The following DLGAP2 variants were observed in gnomAD, a reference collection of about 807,000 sequenced individuals.
The protein encoded by DLGAP2 is DLG associated protein 2.
In DLGAP2, 26 loss-of-function variants were observed where a neutral mutation model predicts 100.3. That is an observed-to-expected ratio of 0.26 (90% confidence interval 0.19 to 0.36). DLGAP2 has a LOEUF of 0.36. Ranked by LOEUF, DLGAP2 falls within the 10% of genes least tolerant of loss-of-function variation. The pLI is 1.00. For missense variants in DLGAP2, 1,858 were observed against 1,453.2 expected (o/e 1.28, Z -4.53); for synonymous variants, 886 against 630.1 (o/e 1.41, Z -6.08).
intron 3 of DLGAP2, among the ~76,000 whole-genome samples, chr8:1,346,807 T>C (rs957705252): frequency 3.3e-5 from 5 of 151,460 alleles, no homozygotes; most frequent in African/African-American, 1.2e-4. Flanking sequence ...GGTAGATGTG[T>C]GGAGGTTGCG....
At chr8:746,114 G>T (rs7007719) in intron 1 of DLGAP2, among the ~76,000 whole-genome samples, 2 of 152,098 alleles carry the variant, frequency 1.3e-5, no homozygotes, top group Non-Finnish European at 2.9e-5. Flanking sequence ...CCGGGGGTGC[G>T]TCGCTGCTTT....
rs138337014 is a variant in DLGAP2, at chr8:1,333,874, G to C, written c.106+74991G>C. 5.4e-3 allele frequency among the ~76,000 whole-genome samples: 829 copies of C among 152,358 alleles called. 5 individuals are homozygous for C. Among genetic ancestry groups the C allele is most frequent in the African/African-American group, 0.019 (790 of 41,590 alleles). On this transcript the variant is annotated intron_variant, in intron 3 of 14. Transcript: ENST00000637795. ...CAGATCTAGCAGAGCAGGGGGAACA[G>C]AAAGTCAGATCCCAGGTGCATCCTT...
rs549201179 is a variant in DLGAP2, at chr8:1,191,214, C to G, written c.74-67637C>G. Reference sequence around the variant, plus strand: ...TGAGACGGAATCTCACTCTGTCACCCAGGCTGGAGTACAGTGGCGCGATCT... The same window carrying G: ...TGAGACGGAATCTCACTCTGTCACCGAGGCTGGAGTACAGTGGCGCGATCT... On this transcript the variant is annotated intron_variant, in intron 2 of 14. Coordinates refer to ENST00000637795, the MANE Select transcript of DLGAP2 (RefSeq NM_001346810.2). 3.5e-5 allele frequency among the ~76,000 whole-genome samples: 5 copies of G among 143,998 alleles called. No individual in the cohort carries two copies. In the South Asian group the frequency reaches 9.3e-4, roughly 27 times the overall value. The allele number at this position is 143,998 out of a possible 152,430, so 94.5% of individuals were successfully genotyped here.
intron 2 of DLGAP2, among the ~76,000 whole-genome samples, chr8:930,708 G>A (rs192857154): frequency 6.6e-6 from 1 of 152,160 alleles, no homozygotes. Context: ...GAGCCTCATG[G>A]AGACCCCACA....
At chr8:1,481,804 T>A (rs1302204892) in intron 3 of DLGAP2, among the ~76,000 whole-genome samples, 1 of 152,126 alleles carries the variant, frequency 6.6e-6, no homozygotes, top group African/African-American at 2.4e-5. Flanking sequence ...GACATGAGAC[T>A]CCCAGAAGGG....
chr8:897,843 G>A (rs1033501597), intron 1 of DLGAP2, among the ~76,000 whole-genome samples: 1 of 152,150 alleles, frequency 6.6e-6, no homozygotes, highest in Non-Finnish European at 1.5e-5. Context: ...TGCGGGGTTG[G>A]CTCCTTCCCC....
intron 2 of DLGAP2, among the ~76,000 whole-genome samples, chr8:1,109,936 G>A (rs555950026): frequency 2.4e-5 from 1 of 41,372 alleles, no homozygotes; most frequent in Non-Finnish European, 5.0e-5. Flanking sequence ...TCTGTGAGGT[G>A]TGCATAGGTC....
At chr8:1,682,162 C>T (rs1370003796) in intron 12 of DLGAP2, among the ~76,000 whole-genome samples, 1 of 152,218 alleles carries the variant, frequency 6.6e-6, no homozygotes, top group African/African-American at 2.4e-5. Flanking sequence ...TCTGGTCCTC[C>T]ACGACTGTGA....
rs1563231253 is a variant in DLGAP2 at position 1,575,490 on chromosome 8, T to TA, written c.1442+9596_1442+9597insA. The stretch of plus-strand genomic sequence containing the variant: ...TTATTATTATTATTATTATTATTAT[T>TA]TAAGTTCTAGGGTACATGTGCACAA... On this transcript the variant is annotated intron_variant, in intron 6 of 14. Transcript: ENST00000637795. Among the ~76,000 whole-genome samples, 597 of 144,320 alleles carry TA rather than the reference T, an allele frequency of 4.1e-3. 5 individuals carry two copies. The highest frequency in any genetic ancestry group is 0.014 in the African/African-American group (569 of 39,522). 94.7% of individuals were successfully genotyped at this position (144,320 alleles called of 152,430 possible).
At chr8:1,086,915 TA>T (rs1803991451) in intron 2 of DLGAP2, among the ~76,000 whole-genome samples, 1 of 152,230 alleles carries the variant, frequency 6.6e-6, no homozygotes, top group Admixed American at 6.5e-5. Context: ...ATGGACCTAA[TA>T]AATACAGAAC....
At chr8:1,052,065 C>T (rs911099487) in intron 2 of DLGAP2, among the ~76,000 whole-genome samples, 4 of 152,296 alleles carry the variant, frequency 2.6e-5, no homozygotes, top group East Asian at 1.9e-4. Flanking sequence ...CGCCAGCACG[C>T]GCCTGCCAAC....
At chr8:1,328,170 G>A (rs999553484) in intron 3 of DLGAP2, among the ~76,000 whole-genome samples, 6 of 151,976 alleles carry the variant, frequency 3.9e-5, no homozygotes, top group Admixed American at 2.6e-4. Flanking sequence ...CTCCCAAGTA[G>A]CCGGGACTAC....
chr8:1,555,109 G>A lies in DLGAP2; in HGVS notation c.1230+5426G>A, dbSNP rs564985778. 8.5e-5 allele frequency among the ~76,000 whole-genome samples: 13 copies of A among 152,192 alleles called. No homozygotes were observed. In the East Asian group the frequency reaches 1.9e-3, roughly 23 times the overall value. ...GGCCGTGAATGGATAGGAGAGTTGGGGTGTGGCCACACCTCACTTCCAATC... is the reference window on the plus strand; with the variant it reads ...GGCCGTGAATGGATAGGAGAGTTGGAGTGTGGCCACACCTCACTTCCAATC... On this transcript the variant is annotated intron_variant, in intron 5 of 14. Coordinates refer to ENST00000637795, the MANE Select transcript of DLGAP2 (RefSeq NM_001346810.2).
intron 3 of DLGAP2, among the ~76,000 whole-genome samples, chr8:1,269,900 A>G (rs1347655528): frequency 6.6e-6 from 1 of 152,210 alleles, no homozygotes; most frequent in East Asian, 1.9e-4. Context: ...TCTAAAATAA[A>G]TTGAACTAAA....
intron 2 of DLGAP2, among the ~76,000 whole-genome samples, chr8:1,184,682 G>A (rs1448162979): frequency 6.6e-6 from 1 of 152,174 alleles, no homozygotes; most frequent in African/African-American, 2.4e-5. Flanking sequence ...GGGAAACAGT[G>A]GGGTGTGGTT....
chr8:1,602,667 GC>G (rs1232301582), intron 6 of DLGAP2, among the ~76,000 whole-genome samples: 4 of 152,220 alleles, frequency 2.6e-5, no homozygotes, highest in Admixed American at 6.5e-5. Context: ...CAGCAAGGAA[GC>G]CCCTCCTTCC....
chr8:1,330,970 C>T (rs528569812), intron 3 of DLGAP2, among the ~76,000 whole-genome samples: 28 of 121,884 alleles, frequency 2.3e-4, no homozygotes, highest in East Asian at 1.1e-3. Flanking sequence ...GCCACTTCAC[C>T]GGGACTGAGT....
intron 2 of DLGAP2, among the ~76,000 whole-genome samples, chr8:1,074,872 A>G (rs1452572262): frequency 6.6e-6 from 1 of 152,180 alleles, no homozygotes; most frequent in African/African-American, 2.4e-5. Flanking sequence ...CTGGGTCATC[A>G]CCAGCAGGGT....
chr8:911,773 T>C lies in DLGAP2; in HGVS notation c.73+3807T>C, dbSNP rs766608998. On this transcript the variant is annotated intron_variant, in intron 2 of 14. Transcript: ENST00000637795. ...AGAATGTTGGAAGGATGCTGGAGAA[T>C]GTTGGAAGGATATGTGTATAATGTA... Among the ~76,000 whole-genome samples, 7 of 152,008 alleles carry C rather than the reference T, an allele frequency of 4.6e-5. 1 individual carries two copies. The highest frequency in any genetic ancestry group is 7.2e-5 in the African/African-American group (3 of 41,400).
Sources: gnomAD v4.1 joint callset for allele counts (sites outside exome capture counted in the v4.1 genomes callset) on GRCh38, gnomAD v4.1.1 for gene constraint, MANE v1.5 for transcripts, NCBI Gene and HGNC (gene_info 2026-07-23, HGNC 2026-07-21) for gene names.